UGT3A1: variants seen among roughly 807,000 people sequenced by gnomAD.
The protein encoded by UGT3A1 is UDP glycosyltransferase family 3 member A1.
Under a neutral mutation model 37.6 loss-of-function variants are expected in UGT3A1, and 40 were observed. That is an observed-to-expected ratio of 1.06 (90% CI 0.83 to 1.38). UGT3A1 has a LOEUF of 1.38. Among genes scored for constraint, UGT3A1 ranks in the 40% most tolerant of loss-of-function variants. The pLI is 0.00. For synonymous variants in UGT3A1, 256 were observed against 232.3 expected, an observed-to-expected ratio of 1.10 and a Z score of -0.93; for missense variants, 642 against 634.2, an observed-to-expected ratio of 1.01 and a Z score of -0.13.
intron 3 of UGT3A1, among the ~76,000 whole-genome samples, chr5:35,966,333 T>A (rs181805266): frequency 5.9e-5 from 9 of 152,364 alleles, no homozygotes; most frequent in Middle Eastern, 3.4e-3. Context: ...TTTGACAGGC[T>A]CCTTAAATAT....
intron 2 of UGT3A1, among the ~76,000 whole-genome samples, chr5:35,972,399 T>C (rs1740079858): frequency 6.6e-6 from 1 of 151,956 alleles, no homozygotes; most frequent in Non-Finnish European, 1.5e-5. Context: ...GACTGCAACA[T>C]CAGATCTTGC....
intron 2 of UGT3A1, among the ~76,000 whole-genome samples, chr5:35,987,009 A>G (rs1438048899): frequency 6.6e-6 from 1 of 152,142 alleles, no homozygotes; most frequent in African/African-American, 2.4e-5. Flanking sequence ...CAGAACCTCA[A>G]ATAATTATGT....
chr5:35,967,249 G>A (rs1356765828), intron 3 of UGT3A1, among the ~76,000 whole-genome samples: 1 of 152,218 alleles, frequency 6.6e-6, no homozygotes, highest in Non-Finnish European at 1.5e-5. Context: ...AGAGAAAGTG[G>A]TCTTCCAGCT....
intron 2 of UGT3A1, among the ~76,000 whole-genome samples, chr5:35,996,741 A>G (rs1741105121): frequency 6.6e-6 from 1 of 152,338 alleles, no homozygotes; most frequent in African/African-American, 2.4e-5. Flanking sequence ...CAATAATGTT[A>G]AAACATCATC....
intron 2 of UGT3A1, among the ~76,000 whole-genome samples, chr5:35,981,016 G>T (rs1009878825): frequency 6.6e-6 from 1 of 152,162 alleles, no homozygotes; most frequent in Non-Finnish European, 1.5e-5. Context: ...AGAATTTTCT[G>T]GTCAGGAGAA....
intron 4 of UGT3A1, among the ~76,000 whole-genome samples, chr5:35,957,707 G>A (rs759620113): frequency 2.0e-5 from 3 of 152,114 alleles, no homozygotes; most frequent in Non-Finnish European, 2.9e-5. Flanking sequence ...TTGATGTCTA[G>A]CTCATCCTAT....
intron 1 of UGT3A1, among the ~76,000 whole-genome samples, chr5:35,999,119 C>A (rs1741162875): frequency 6.6e-6 from 1 of 151,710 alleles, no homozygotes; most frequent in Non-Finnish European, 1.5e-5. Context: ...CGCCTGTATT[C>A]CCAGCTACTC....
intron 2 of UGT3A1, among the ~76,000 whole-genome samples, chr5:35,987,149 G>A (rs1740760179): frequency 6.6e-6 from 1 of 152,070 alleles, no homozygotes; most frequent in South Asian, 2.1e-4. Flanking sequence ...TTTAAATAAG[G>A]AAGTGATGGA....
In UGT3A1 at chr5:35,954,061, G is replaced by A. The variant is rs1739257958; in HGVS notation, c.*141C>T. ...TGGTGCGTGAAGATTTCTAAACAGA[G>A]GCAGAGAATAGAAAGAAGCAAGTTG... On this transcript the variant is annotated 3_prime_UTR_variant, in exon 7 of 7. Coordinates refer to ENST00000274278, the MANE Select transcript of UGT3A1 (RefSeq NM_152404.4). The A allele has an allele frequency of 1.1e-6, 1 of 903,488 alleles. No individual in the cohort carries two copies. The highest frequency in any genetic ancestry group is 2.6e-5 in the East Asian group (1 of 38,886). The allele number at this position is 903,488 out of a possible 1,614,324, so 56.0% of individuals were successfully genotyped here.
At chr5:35,998,448 A>G (rs1022527508) in intron 1 of UGT3A1, among the ~76,000 whole-genome samples, 1 of 152,206 alleles carries the variant, frequency 6.6e-6, no homozygotes, top group African/African-American at 2.4e-5. Context: ...CTAAACTGTC[A>G]TCATACTCAA....
chr5:36,000,087 C>T (rs576039586), intron 1 of UGT3A1, among the ~76,000 whole-genome samples: 4 of 152,212 alleles, frequency 2.6e-5, no homozygotes, highest in African/African-American at 9.6e-5. Flanking sequence ...GTGGAGAGGC[C>T]CAATGGAATA....
At position 35,965,388 on chromosome 5, in the gene UGT3A1, G is replaced by T. The variant is rs1398685620; in HGVS notation, c.841C>A (p.Gln281Lys). Residue 281 changes from glutamine to lysine, a missense_variant and splice_region_variant, in exon 4 of 7, where the codon CAA (glutamine) becomes AAA (lysine). Transcript: ENST00000274278. ...LMEKPIKPVP[Q>K]DLDNFIANFG... ...CTGAATGCTGAGGGTTCACTTACTT[G>T]TGGTACTGGTTTAATAGGTTTTTCC... 1 of 1,613,036 alleles carries T rather than the reference G, an allele frequency of 6.2e-7. No homozygotes were observed. The highest frequency in any genetic ancestry group is 2.2e-5 in the East Asian group (1 of 44,884).
rs1036251155 is a variant in UGT3A1 at position 35,951,690 on chromosome 5, G to C, written c.*2512C>G. ...TTACCATGATTTTTGCCATGCCAAAGTTTTTTGTGTCAAATTAATTTACAC... is the reference window on the plus strand; with the variant it reads ...TTACCATGATTTTTGCCATGCCAAACTTTTTTGTGTCAAATTAATTTACAC... On this transcript the variant is annotated 3_prime_UTR_variant, in exon 7 of 7. Transcript: ENST00000274278. 2.6e-5 allele frequency: 4 copies of C among 152,092 alleles called. No individual in the cohort carries two copies. The highest frequency in any genetic ancestry group is 5.9e-5 in the Non-Finnish European group (4 of 68,014). 9.4% of individuals were successfully genotyped at this position (152,092 alleles called of 1,614,324 possible).
rs1740812884 is a variant in UGT3A1 at position 35,988,527 on chromosome 5, T to C, written c.119A>G (p.Asp40Gly). The change falls in exon 2 of 7, where the codon GAC becomes GGC. Residue 40 changes from aspartate to glycine, a missense_variant. By Grantham distance (94) the Asp-to-Gly change is moderately conservative. Transcript: ENST00000274278. ...TLGGSHYLLL[D>G]RVSQILQEHG... ...CTCTTGAAGAATCTGAGACACCCGG[T>C]CCAACAGTAGGTAATGGCTTCCACC... 6.2e-7 allele frequency: 1 copy of C among 1,612,816 alleles called. No homozygotes were observed. Among genetic ancestry groups the C allele is most frequent in the Admixed American group, 1.7e-5 (1 of 59,874 alleles).
At chr5:35,984,855 T>C (rs1413653531) in intron 2 of UGT3A1, among the ~76,000 whole-genome samples, 1 of 152,096 alleles carries the variant, frequency 6.6e-6, no homozygotes, top group East Asian at 1.9e-4. Context: ...AGGCACTCAA[T>C]AAATGTGGAA....
chr5:35,955,659 G>T lies in UGT3A1; in HGVS notation c.1281C>A (p.Val427=). 1 of 1,614,194 alleles carries T rather than the reference G, an allele frequency of 6.2e-7. No homozygotes were observed. Among genetic ancestry groups the T allele is most frequent in the Middle Eastern group, 1.6e-4 (1 of 6,062 alleles). ...GAGCCACATACCTCTTGTCTTCTAT[G>T]ACTTGTTTCATTGTAAGTGTCAGTG... The part of the protein sequence containing the change: ...ADTLTLTMKQ[V]IEDKRYKSAV... Residue 427 remains valine, a synonymous_variant, in exon 6 of 7, where the codon GTC becomes GTA. Transcript: ENST00000274278.
rs1359034358 is a variant in UGT3A1 at position 35,957,363 on chromosome 5, A to G, written c.900T>C (p.Phe300=). The G allele has an allele frequency of 6.2e-6, 10 of 1,614,080 alleles. No individual in the cohort carries two copies. The highest frequency in any genetic ancestry group is 8.5e-6 in the Non-Finnish European group (10 of 1,180,034). The change falls in exon 5 of 7, where the codon TTT becomes TTC. Residue 300 remains phenylalanine (F), a synonymous_variant. Coordinates refer to ENST00000274278, the MANE Select transcript of UGT3A1 (RefSeq NM_152404.4). The part of the protein sequence containing the change: ...FGDAGFVLVA[F]GSMLNTHQSQ... ...ACTGATGGGTGTTCAACATGGAGCC[A>G]AAGGCCACAAGGACAAACCCTGCAT...
intron 5 of UGT3A1, among the ~76,000 whole-genome samples, 168 bp from the exon 6 acceptor site, chr5:35,956,032 T>C (rs1201864699): frequency 1.3e-5 from 2 of 152,224 alleles, no homozygotes; most frequent in African/African-American, 4.8e-5. Context: ...GGATACAAGA[T>C]TCAAGCCTCC....
chr5:35,992,710 A>G (rs973630506), upstream of UGT3A1, among the ~76,000 whole-genome samples: 6 of 152,258 alleles, frequency 3.9e-5, no homozygotes, highest in Non-Finnish European at 8.8e-5. Flanking sequence ...CATATTAAAT[A>G]GTATGATTTA....
Sources: gnomAD v4.1 joint callset for allele counts (sites outside exome capture counted in the v4.1 genomes callset) on GRCh38, gnomAD v4.1.1 for gene constraint, MANE v1.5 for transcripts, NCBI Gene and HGNC (gene_info 2026-07-23, HGNC 2026-07-21) for gene names.